HMCN2: variants seen among roughly 807,000 people sequenced by gnomAD.
The protein encoded by HMCN2 is hemicentin 2, also known as hemicentin-2.
A neutral mutation model predicts 377.5 loss-of-function variants in HMCN2; 325 were observed. The ratio of observed to expected loss-of-function variants is 0.86; its 90% confidence interval spans 0.79 to 0.94. The LOEUF is 0.94. Among genes scored for constraint, HMCN2 ranks in the 40% least tolerant of loss-of-function variants. The pLI is 0.00. For synonymous variants in HMCN2, 2,007 were observed against 2,046.8 expected, an observed-to-expected ratio of 0.98 and a Z score of 0.53; for missense variants, 4,543 against 4,725.3, an observed-to-expected ratio of 0.96 and a Z score of 1.13.
chr9:130,405,085 G>A, intron 81 of HMCN2, 26 bp downstream of exon 81: 1 of 1,262,466 alleles, frequency 7.9e-7, no homozygotes, highest in Non-Finnish European at 1.0e-6. Context: ...AAGGGGCACA[G>A]CAGGGAATAA....
At position 130,395,953 on chromosome 9, in the gene HMCN2, G is replaced by T. The variant is rs569571871; in HGVS notation, c.10941G>T (p.Arg3647=). 2 of 1,287,586 alleles carry T rather than the reference G, an allele frequency of 1.6e-6. No homozygotes were observed. The highest frequency in any genetic ancestry group is 2.0e-6 in the Non-Finnish European group (2 of 988,726). The allele number at this position is 1,287,586 out of a possible 1,614,324, so 79.8% of individuals were successfully genotyped here. Residue 3647 remains arginine, a synonymous_variant, in exon 72 of 98, where the codon CGG becomes CGT. Transcript: ENST00000683500. ...QEDAHTQFPE[R]GRFLQLQALS... ...ACGCCCACACACAATTCCCGGAGCGGGGCAGGTTCCTCCAGCTGCAGGCCC... is the reference window on the plus strand; with the variant it reads ...ACGCCCACACACAATTCCCGGAGCGTGGCAGGTTCCTCCAGCTGCAGGCCC...
In HMCN2 at chr9:130,296,672, A is replaced by C; in HGVS notation, c.892-2A>C. On this transcript the variant is annotated splice_acceptor_variant, in intron 6 of 97. Transcript: ENST00000683500. LOFTEE classifies it high-confidence loss of function. ...GTGATGTGAGACCTGGGCCTGCGCT[A>C]GGTCTATAGCAGTGGCCGCCATTCA... The C allele has an allele frequency of 2.1e-6, 1 of 471,014 alleles. No homozygotes were observed. Among genetic ancestry groups the C allele is most frequent in the South Asian group, 1.5e-5 (1 of 64,558 alleles). 29.2% of individuals were successfully genotyped at this position (471,014 alleles called of 1,614,324 possible). A position where few individuals can be genotyped will look rare whatever the true frequency, so the allele number is the denominator to read the frequency against.
In HMCN2 at chr9:130,320,365, C is replaced by T. The variant is rs1464866322; in HGVS notation, c.2561C>T (p.Pro854Leu). The T allele has an allele frequency of 6.6e-6, 1 of 152,420 alleles. No homozygotes were observed. Among genetic ancestry groups the T allele is most frequent in the Admixed American group, 6.5e-5 (1 of 15,288 alleles). 9.4% of individuals were successfully genotyped at this position (152,420 alleles called of 1,614,324 possible). A position where few individuals can be genotyped will look rare whatever the true frequency, so the allele number is the denominator to read the frequency against. ...CTCTCGTGCCCCTCAGGTGTGGCCC[C>T]AGAAGACCAGGCCCCATATGTCTGT... ...SGVLFFESVA[P>L]EDQAPYVCEA... Residue 854 changes from proline (P) to leucine (L), a missense_variant, in exon 17 of 98, where the codon CCA becomes CTA. Transcript: ENST00000683500.
intron 85 of HMCN2, among the ~76,000 whole-genome samples, chr9:130,415,545 G>C (rs985736881): frequency 6.6e-6 from 1 of 152,172 alleles, no homozygotes; most frequent in Non-Finnish European, 1.5e-5. Flanking sequence ...TTGCTATGTT[G>C]CCCAGGCTAG....
At chr9:130,316,530 C>T (rs1265081592) in intron 15 of HMCN2, among the ~76,000 whole-genome samples, 6 of 152,232 alleles carry the variant, frequency 3.9e-5, no homozygotes, top group South Asian at 4.2e-4. Flanking sequence ...GGCACATTTC[C>T]GGGTGTTCTA....
chr9:130,384,574 A>G (rs879870965), intron 58 of HMCN2, 40 bp downstream of exon 58: 26 of 1,303,940 alleles, frequency 2.0e-5, no homozygotes, highest in Non-Finnish European at 2.6e-5. Context: ...CTAAGGTTAC[A>G]TGGGGAGAGA....
chr9:130,305,777 A>G (rs952852183), intron 11 of HMCN2, among the ~76,000 whole-genome samples: 1 of 152,156 alleles, frequency 6.6e-6, no homozygotes, highest in Admixed American at 6.5e-5. Context: ...CTTGGGGTCA[A>G]CCTCAAGGTC....
In HMCN2 at chr9:130,402,054, G is replaced by A. The variant is rs376498151; in HGVS notation, c.11771-735G>A. Among the ~76,000 whole-genome samples the A allele has an allele frequency of 9.2e-5, 14 of 152,198 alleles. No individual in the cohort carries two copies. The East Asian group carries it at 1.2e-3, about 13-fold the overall frequency. On this transcript the variant is annotated intron_variant, in intron 77 of 97. Transcript: ENST00000683500. ...ATTGCACCACTGTACTCCAGCCTGG[G>A]CAACAGAGTGAGACTCTGTCTCAAA...
intron 22 of HMCN2, among the ~76,000 whole-genome samples, chr9:130,328,273 C>G (rs1418497137): frequency 2.0e-5 from 3 of 152,202 alleles, no homozygotes; most frequent in African/African-American, 7.2e-5. Flanking sequence ...GTGGGGTCCC[C>G]CATGCCCTCT....
intron 11 of HMCN2, among the ~76,000 whole-genome samples, 193 bp downstream of exon 11, chr9:130,305,195 TG>T (rs1554936278): frequency 6.6e-6 from 1 of 152,218 alleles, no homozygotes; most frequent in East Asian, 1.9e-4. Context: ...CTCTCACTGC[TG>T]GGAAGTTCCT....
rs1212636687 is a variant in HMCN2 at position 130,310,338 on chromosome 9, A to T, written c.2350+277A>T. Among the ~76,000 whole-genome samples the T allele has an allele frequency of 3.9e-5, 6 of 152,362 alleles. No individual in the cohort carries two copies. The South Asian group carries it at 1.2e-3, about 32-fold the overall frequency. ...AATCTGAAAGTGGCTTGGCCGGGTG[A>T]TTCTGGCTCAGGGTCCATCCTGAGA... On this transcript the variant is annotated intron_variant, in intron 15 of 97. Transcript: ENST00000683500.
chr9:130,296,152 G>T (rs1836139653), intron 6 of HMCN2, among the ~76,000 whole-genome samples: 1 of 152,170 alleles, frequency 6.6e-6, no homozygotes, highest in African/African-American at 2.4e-5. Context: ...ACAGGGTGCT[G>T]GGAGCCAGGG....
At chr9:130,370,464 C>T (rs561195817) in intron 45 of HMCN2, among the ~76,000 whole-genome samples, 12 of 152,220 alleles carry the variant, frequency 7.9e-5, no homozygotes, top group Admixed American at 5.9e-4. Context: ...TTAGGGAGGG[C>T]GCCCCTCACT....
chr9:130,377,678 C>A lies in HMCN2; in HGVS notation c.8091C>A (p.Val2697=). 1 of 985,960 alleles carries A rather than the reference C, an allele frequency of 1.0e-6. No individual in the cohort carries two copies. Among genetic ancestry groups the A allele is most frequent in the Non-Finnish European group, 1.2e-6 (1 of 829,990 alleles). 61.1% of individuals were successfully genotyped at this position (985,960 alleles called of 1,614,324 possible). The change falls in exon 53 of 98, where the codon GTC becomes GTA. Residue 2697 remains valine (V), a synonymous_variant. Coordinates refer to ENST00000683500, the MANE Select transcript of HMCN2 (RefSeq NM_001291815.2). The part of the protein sequence containing the change: ...QPVTPSSRLQ[V]LGEGRLLQIQ... ...TGACCCCCAGCTCGCGGCTGCAGGT[C>A]CTGGGTGAAGGGCGACTGCTCCAGA...
chr9:130,392,507 G>C (rs12337627), intron 66 of HMCN2, among the ~76,000 whole-genome samples: 11,643 of 152,200 alleles, frequency 0.076, 977 homozygotes, highest in African/African-American at 0.2. Flanking sequence ...AAGCCAGTGA[G>C]CTGAGATGAC....
intron 85 of HMCN2, among the ~76,000 whole-genome samples, chr9:130,412,994 TC>T (rs1717149067): frequency 1.3e-5 from 2 of 152,246 alleles, no homozygotes; most frequent in African/African-American, 4.8e-5. Flanking sequence ...AGCCAATTGT[TC>T]CAGTACCATT....
chr9:130,390,276 C>T (rs1032306040), intron 62 of HMCN2, among the ~76,000 whole-genome samples: 1 of 152,230 alleles, frequency 6.6e-6, no homozygotes, highest in Non-Finnish European at 1.5e-5. Flanking sequence ...CCAAGTTCCC[C>T]GGCTCCATCA....
At position 130,395,119 on chromosome 9, in the gene HMCN2, G is replaced by T. The variant is rs1162842607; in HGVS notation, c.10774+11G>T. 7.9e-7 allele frequency: 1 copy of T among 1,270,824 alleles called. No individual in the cohort carries two copies. Among genetic ancestry groups the T allele is most frequent in the South Asian group, 1.3e-5 (1 of 79,398 alleles). 78.7% of individuals were successfully genotyped at this position (1,270,824 alleles called of 1,614,324 possible). ...GGGTCAGGGTTCAAGGTAGGTGGTG[G>T]GGGTGGGGTGGGGGCAGGGCCGGGA... On this transcript the variant is annotated intron_variant, in intron 70 of 97. Transcript: ENST00000683500.
chr9:130,428,466 T>C lies in HMCN2; in HGVS notation c.14174T>C (p.Val4725Ala), dbSNP rs1418002749. ...CLPDCGPGFRVADGAGCEDVD... is the reference protein window; with the variant it reads ...CLPDCGPGFRAADGAGCEDVD... Reference sequence around the variant, plus strand: ...CCCGACTGTGGGCCTGGCTTCCGGGTGGCTGATGGGGCCGGCTGTGAAGGT... The same window carrying C: ...CCCGACTGTGGGCCTGGCTTCCGGGCGGCTGATGGGGCCGGCTGTGAAGGT... Residue 4725 changes from valine (V) to alanine (A), a missense_variant, in exon 93 of 98, where the codon GTG (valine) becomes GCG (alanine). Physicochemically the swap from Val to Ala is moderately conservative, Grantham distance 64. This residue lies in a region of HMCN2 where 1,155 missense variants were observed against 1,157.7 expected (regional missense o/e 1.00). Coordinates refer to ENST00000683500, the MANE Select transcript of HMCN2 (RefSeq NM_001291815.2). This position sits in a 1 kb window ranked among gnomAD's most constrained non-coding sequence, Gnocchi z 5.0. 34 of 1,542,732 alleles carry C rather than the reference T, an allele frequency of 2.2e-5. No homozygotes were observed. The highest frequency in any genetic ancestry group is 2.9e-5 in the Non-Finnish European group (33 of 1,146,862).
Sources: gnomAD v4.1 joint callset for allele counts (sites outside exome capture counted in the v4.1 genomes callset) on GRCh38, gnomAD v4.1.1 for gene constraint, gnomAD v4.1.1 regional missense constraint, Gnocchi (gnomAD v3.1) non-coding constraint, MANE v1.5 for transcripts, NCBI Gene and HGNC (gene_info 2026-07-23, HGNC 2026-07-21) for gene names.